ERI3: variants seen among roughly 807,000 people sequenced by gnomAD.
ERI3 encodes ERI1 exoribonuclease 3.
Under a neutral mutation model 44.4 loss-of-function variants are expected in ERI3, and 18 were observed. That is an observed-to-expected ratio of 0.41 (90% CI 0.28 to 0.60). The LOEUF (loss-of-function observed/expected upper bound fraction) is 0.60. Ranked by LOEUF, ERI3 falls within the 20% of genes least tolerant of loss-of-function variation. The pLI is 0.36. For missense variants in ERI3, 294 were observed against 435.5 expected (o/e 0.68, Z 2.89); for synonymous variants, 183 against 164.8 (o/e 1.11, Z -0.84).
At chr1:44,258,543 T>C (rs148363964) in intron 7 of ERI3, among the ~76,000 whole-genome samples, 278 of 152,304 alleles carry the variant, frequency 1.8e-3, no homozygotes, top group African/African-American at 6.4e-3. Context: ...AGCCCTGTGC[T>C]GGGTGCTAGA....
intron 2 of ERI3, among the ~76,000 whole-genome samples, chr1:44,344,915 G>A (rs775222877): frequency 5.3e-5 from 8 of 152,186 alleles, no homozygotes; most frequent in East Asian, 3.9e-4. Context: ...GGACTGCCAC[G>A]GGGCCAGCCC....
At chr1:44,287,192 A>T (rs1293811932) in intron 6 of ERI3, among the ~76,000 whole-genome samples, 1 of 152,270 alleles carries the variant, frequency 6.6e-6, no homozygotes, top group Admixed American at 6.5e-5. Context: ...GGAGGTCACA[A>T]GTAATCTTGG....
In ERI3 at chr1:44,228,794, C is replaced by T. The variant is rs973553322; in HGVS notation, c.932-7154G>A. On this transcript the variant is annotated intron_variant, in intron 8 of 8. Coordinates refer to ENST00000372257, the MANE Select transcript of ERI3 (RefSeq NM_024066.3). This position sits in a 1 kb window ranked among gnomAD's most constrained non-coding sequence, Gnocchi z 4.3. ...AAGCATAGCATCAAACCCCTTATGTCGCTTGCAGTGCATTTGGCCACCAGG... is the reference window on the plus strand; with the variant it reads ...AAGCATAGCATCAAACCCCTTATGTTGCTTGCAGTGCATTTGGCCACCAGG... Among the ~76,000 whole-genome samples the T allele has an allele frequency of 2.0e-5, 3 of 152,202 alleles. No homozygotes were observed. Among genetic ancestry groups the T allele is most frequent in the East Asian group, 1.9e-4 (1 of 5,200 alleles).
At position 44,319,818 on chromosome 1, in the gene ERI3, A is replaced by C. The variant is rs1646163883; in HGVS notation, c.490-74T>G. 9.0e-6 allele frequency: 10 copies of C among 1,116,498 alleles called. No individual in the cohort carries two copies. In the South Asian group the frequency reaches 1.2e-4, roughly 13 times the overall value. 69.2% of individuals were successfully genotyped at this position (1,116,498 alleles called of 1,614,324 possible). On this transcript the variant is annotated intron_variant, in intron 3 of 8. Coordinates refer to ENST00000372257, the MANE Select transcript of ERI3 (RefSeq NM_024066.3). ...CCATTTCCAACAGTAGCTCCAAGTC[A>C]ACAAAGAATGAGTGTTTTGGATTCA...
intron 2 of ERI3, among the ~76,000 whole-genome samples, chr1:44,342,179 C>G (rs1646667778): frequency 6.6e-6 from 1 of 152,084 alleles, no homozygotes; most frequent in Admixed American, 6.6e-5. Flanking sequence ...AGAGCCCAGG[C>G]AGGGTGAGGA....
At chr1:44,239,396 T>C (rs1449706940) in intron 8 of ERI3, among the ~76,000 whole-genome samples, 1 of 152,200 alleles carries the variant, frequency 6.6e-6, no homozygotes, top group Non-Finnish European at 1.5e-5. Context: ...TGATGGGATA[T>C]GAGTGTGAAT....
chr1:44,277,337 T>C (rs1645200270), intron 7 of ERI3, among the ~76,000 whole-genome samples: 2 of 152,154 alleles, frequency 1.3e-5, no homozygotes, highest in African/African-American at 4.8e-5. Flanking sequence ...CTCCTGCACC[T>C]TCAACAGGAT....
At position 44,354,994 on chromosome 1, in the gene ERI3, C is replaced by A. The variant is rs759918861; in HGVS notation, c.33G>T (p.Gly11=). The A allele has an allele frequency of 7.3e-6, 10 of 1,375,508 alleles. No individual in the cohort carries two copies. Among genetic ancestry groups the A allele is most frequent in the Admixed American group, 6.2e-5 (2 of 32,466 alleles). 85.2% of individuals were successfully genotyped at this position (1,375,508 alleles called of 1,614,324 possible). Residue 11 remains glycine, a synonymous_variant, in exon 1 of 9, where the codon GGG becomes GGT. Coordinates refer to ENST00000372257, the MANE Select transcript of ERI3 (RefSeq NM_024066.3). MATASPAADG[G]RGRPWEGGLV... is the part of the protein sequence containing the mutation. ...GCCCTCCTTCCCAGGGCCGCCCCCG[C>A]CCCCCGTCAGCAGCGGGAGAGGCTG...
chr1:44,345,453 T>C (rs1241478977), intron 2 of ERI3, among the ~76,000 whole-genome samples: 1 of 152,180 alleles, frequency 6.6e-6, no homozygotes, highest in Non-Finnish European at 1.5e-5. Flanking sequence ...CCAAGTTACC[T>C]GCAACAGGTT....
chr1:44,325,371 G>A (rs566174834), intron 3 of ERI3, among the ~76,000 whole-genome samples: 6 of 151,758 alleles, frequency 4.0e-5, no homozygotes, highest in South Asian at 2.1e-4. Flanking sequence ...CACCACGCCC[G>A]GCCCCTGGCT....
rs532790527 is a variant in ERI3, at chr1:44,252,168, C to T, written c.832-4130G>A. ...TCCTGAGTCCTGTCCAGGGCAGGTA[C>T]TGATGCGAGCCACAGGGACAGGTGG... On this transcript the variant is annotated intron_variant, in intron 7 of 8. Coordinates refer to ENST00000372257, the MANE Select transcript of ERI3 (RefSeq NM_024066.3). The surrounding 1 kb of genome is among the most constrained non-coding windows in gnomAD (Gnocchi z 4.7). Among the ~76,000 whole-genome samples the T allele has an allele frequency of 9.2e-5, 14 of 152,328 alleles. No individual in the cohort carries two copies. The South Asian group carries it at 2.9e-3, about 32-fold the overall frequency.
chr1:44,304,103 G>A (rs1452473551), intron 6 of ERI3, among the ~76,000 whole-genome samples: 3 of 152,092 alleles, frequency 2.0e-5, no homozygotes, highest in Admixed American at 1.3e-4. Context: ...GGTGTGAGGA[G>A]AAAGATAAAC....
At chr1:44,287,912 C>T (rs899796951) in intron 6 of ERI3, among the ~76,000 whole-genome samples, 5 of 152,182 alleles carry the variant, frequency 3.3e-5, no homozygotes, top group Non-Finnish European at 5.9e-5. Flanking sequence ...CAGGGAGCCT[C>T]GATCTTATTC....
chr1:44,295,123 T>A (rs1346345082), intron 6 of ERI3, among the ~76,000 whole-genome samples: 1 of 152,194 alleles, frequency 6.6e-6, no homozygotes, highest in African/African-American at 2.4e-5. Context: ...CTAGTGATTT[T>A]TAAAGTGTGC....
At chr1:44,320,225 C>CA (rs35722185) in intron 3 of ERI3, among the ~76,000 whole-genome samples, 6 of 151,760 alleles carry the variant, frequency 4.0e-5, no homozygotes, top group Admixed American at 6.6e-5. Flanking sequence ...TCTTATTTTT[C>CA]AAAAAAAGAT....
intron 8 of ERI3, among the ~76,000 whole-genome samples, chr1:44,237,597 G>A (rs1182941609): frequency 2.0e-5 from 3 of 152,094 alleles, no homozygotes; most frequent in Non-Finnish European, 4.4e-5. Flanking sequence ...CCAGGCTCCA[G>A]CATATCAAGA....
At chr1:44,288,795 G>A (rs978732695) in intron 6 of ERI3, among the ~76,000 whole-genome samples, 1 of 151,988 alleles carries the variant, frequency 6.6e-6, no homozygotes, top group South Asian at 2.1e-4. Context: ...AGGTTCTTAG[G>A]AGCCTAAGGT....
chr1:44,245,685 A>T (rs1644540173), intron 8 of ERI3, among the ~76,000 whole-genome samples: 1 of 152,202 alleles, frequency 6.6e-6, no homozygotes, highest in South Asian at 2.1e-4. Context: ...ACAGGTCCTA[A>T]CCTAGGGTCA....
intron 3 of ERI3, among the ~76,000 whole-genome samples, chr1:44,337,411 C>T (rs1274357802): frequency 1.3e-5 from 2 of 152,138 alleles, no homozygotes; most frequent in Non-Finnish European, 2.9e-5. Flanking sequence ...ATCTTAATAA[C>T]CAAAATTCCC....
Sources: allele counts gnomAD v4.1 joint callset (sites outside exome capture counted in the v4.1 genomes callset), GRCh38; gene constraint gnomAD v4.1.1; non-coding constraint Gnocchi (gnomAD v3.1); transcripts MANE v1.5; gene names NCBI Gene and HGNC (gene_info 2026-07-23, HGNC 2026-07-21).